The following TEAD1 variants were observed in gnomAD, a reference collection of about 807,000 sequenced individuals.
TEAD1 encodes the protein transcriptional enhancer factor TEF-1.
A neutral mutation model predicts 54.9 loss-of-function variants in TEAD1; 9 were observed. That is an observed-to-expected ratio of 0.16 (90% CI 0.10 to 0.29). TEAD1 has a LOEUF of 0.29. Among genes scored for constraint, TEAD1 ranks in the 10% least tolerant of loss-of-function variants. The pLI, the probability that TEAD1 is intolerant of heterozygous loss-of-function variation, is 1.00. For synonymous variants in TEAD1, 200 were observed against 187.8 expected (o/e 1.07, Z -0.53); for missense variants, 387 against 535.9 (o/e 0.72, Z 2.74).
chr11:12,791,621 T>C (rs1036552067), intron 3 of TEAD1, among the ~76,000 whole-genome samples: 7 of 152,156 alleles, frequency 4.6e-5, no homozygotes, highest in African/African-American at 1.4e-4. Flanking sequence ...ATCTTAGAGT[T>C]GTCTACAAAG....
chr11:12,714,074 G>T (rs972590347), intron 2 of TEAD1, among the ~76,000 whole-genome samples: 4 of 151,872 alleles, frequency 2.6e-5, no homozygotes, highest in African/African-American at 9.7e-5. Flanking sequence ...ATTGAATCAG[G>T]ATTCTGCCTT....
intron 10 of TEAD1, among the ~76,000 whole-genome samples, chr11:12,920,035 T>A (rs946148415): frequency 1.3e-5 from 2 of 152,214 alleles, no homozygotes; most frequent in African/African-American, 4.8e-5. Flanking sequence ...ATTATGAAGA[T>A]GAGGAAACAG....
chr11:12,677,309 A>G (rs1489732019), intron 2 of TEAD1, among the ~76,000 whole-genome samples: 1 of 151,372 alleles, frequency 6.6e-6, no homozygotes, highest in Non-Finnish European at 1.5e-5. Flanking sequence ...CTTGTGGTAC[A>G]ATGTGTGCCC....
At chr11:12,885,543 TG>T (rs1381018741) in intron 9 of TEAD1, among the ~76,000 whole-genome samples, 1 of 152,104 alleles carries the variant, frequency 6.6e-6, no homozygotes, top group African/African-American at 2.4e-5. Flanking sequence ...GGGCTTGAAT[TG>T]TCTTTTCAGT....
rs138225899 is a variant in TEAD1 at position 12,742,199 on chromosome 11, C to T, written c.-54-21980C>T. On this transcript the variant is annotated intron_variant, in intron 2 of 12. Transcript: ENST00000527636. ...CACAAATACATTTAGACTTTGAGTT[C>T]AAGGTGTGATGAACCTGGGTTTGAA... Among the ~76,000 whole-genome samples the T allele has an allele frequency of 2.5e-4, 38 of 152,308 alleles. No individual in the cohort carries two copies. The East Asian group carries it at 3.9e-3, about 15-fold the overall frequency.
intron 11 of TEAD1, among the ~76,000 whole-genome samples, chr11:12,926,086 C>T (rs557006815): frequency 4.6e-5 from 7 of 152,160 alleles, no homozygotes; most frequent in African/African-American, 1.7e-4. Flanking sequence ...CTATCCATCA[C>T]CCAATTAATT....
At chr11:12,924,091 C>T (rs998578208) in intron 10 of TEAD1, among the ~76,000 whole-genome samples, 1 of 152,134 alleles carries the variant, frequency 6.6e-6, no homozygotes, top group African/African-American at 2.4e-5. Context: ...AACCTGTGCC[C>T]AAGTTGCATT....
chr11:12,741,373 G>GTCAATCC (rs1326550125), intron 2 of TEAD1, among the ~76,000 whole-genome samples: 1 of 151,986 alleles, frequency 6.6e-6, no homozygotes, highest in Non-Finnish European at 1.5e-5. Flanking sequence ...GGATTGCTAG[G>GTCAATCC]TCAAAGGATT....
chr11:12,925,635 G>A (rs745510414), intron 11 of TEAD1, among the ~76,000 whole-genome samples: 1 of 152,230 alleles, frequency 6.6e-6, no homozygotes, highest in Non-Finnish European at 1.5e-5. Flanking sequence ...CTCTGACTGT[G>A]TCTGAAGTCA....
chr11:12,721,570 C>T (rs1055200163), intron 2 of TEAD1, among the ~76,000 whole-genome samples: 8 of 152,182 alleles, frequency 5.3e-5, no homozygotes, highest in African/African-American at 1.9e-4. Flanking sequence ...TCTGTCAGCT[C>T]ACTCATTCAT....
chr11:12,676,439 T>C (rs984984084), intron 2 of TEAD1, among the ~76,000 whole-genome samples: 1 of 152,242 alleles, frequency 6.6e-6, no homozygotes, highest in South Asian at 2.1e-4. Context: ...GGGGCTTCTC[T>C]GAGGCACAGA....
At chr11:12,761,521 CA>C (rs1314288157) in intron 2 of TEAD1, among the ~76,000 whole-genome samples, 1 of 152,154 alleles carries the variant, frequency 6.6e-6, no homozygotes, top group Non-Finnish European at 1.5e-5. Context: ...GCTCTGACAC[CA>C]GTTGCACAAA....
chr11:12,869,728 C>T (rs1947699859), intron 5 of TEAD1, among the ~76,000 whole-genome samples: 1 of 152,062 alleles, frequency 6.6e-6, no homozygotes, highest in African/African-American at 2.4e-5. Context: ...ACTTTTTCCT[C>T]TACCCACCCT....
At chr11:12,776,119 G>A (rs1945413353) in intron 3 of TEAD1, among the ~76,000 whole-genome samples, 1 of 152,106 alleles carries the variant, frequency 6.6e-6, no homozygotes. Flanking sequence ...CAGTGCTAGG[G>A]CGGGGGAGGA....
At chr11:12,739,738 A>G (rs1944614125) in intron 2 of TEAD1, among the ~76,000 whole-genome samples, 1 of 152,174 alleles carries the variant, frequency 6.6e-6, no homozygotes, top group Non-Finnish European at 1.5e-5. Context: ...TCATTCATGC[A>G]TTTGTCCCTC....
At chr11:12,732,425 A>AT (rs1215942477) in intron 2 of TEAD1, among the ~76,000 whole-genome samples, 4 of 152,084 alleles carry the variant, frequency 2.6e-5, no homozygotes, top group Non-Finnish European at 4.4e-5. Context: ...GTGAATATAT[A>AT]TTTTTTTGAT....
At chr11:12,869,880 T>C (rs937336342) in intron 5 of TEAD1, among the ~76,000 whole-genome samples, 3 of 127,868 alleles carry the variant, frequency 2.3e-5, no homozygotes, top group African/African-American at 7.9e-5. Flanking sequence ...ATTGTCTTTT[T>C]CTTTTTCTTT....
At chr11:12,851,030 A>G in intron 3 of TEAD1, 1 of 925,876 alleles carries the variant, frequency 1.1e-6, no homozygotes, top group Non-Finnish European at 1.3e-6. Flanking sequence ...GTGCTGTCTA[A>G]TTTTCATAAT....
chr11:12,695,397 G>C (rs143751531), intron 2 of TEAD1, among the ~76,000 whole-genome samples: 2 of 152,174 alleles, frequency 1.3e-5, no homozygotes, highest in Non-Finnish European at 2.9e-5. Context: ...TTTTCCTTAT[G>C]TTAAGAGAGG....
Sources: allele counts gnomAD v4.1 joint callset (sites outside exome capture counted in the v4.1 genomes callset), GRCh38; gene constraint gnomAD v4.1.1; transcripts MANE v1.5; gene names NCBI Gene and HGNC (gene_info 2026-07-23, HGNC 2026-07-21).